Variants in GABRA3 observed in about 807,000 individuals in gnomAD.
GABRA3 encodes the protein gamma-aminobutyric acid type A receptor subunit alpha3.
Under a neutral mutation model 30.1 loss-of-function variants are expected in GABRA3, and 10 were observed. That is an observed-to-expected ratio of 0.33 (90% CI 0.20 to 0.56). The LOEUF (loss-of-function observed/expected upper bound fraction) is 0.56. Among genes scored for constraint, GABRA3 ranks in the 20% least tolerant of loss-of-function variants. GABRA3 has a pLI of 0.89. For synonymous variants in GABRA3, 151 were observed against 146.8 expected (o/e 1.03, Z -0.21); for missense variants, 233 against 392.0 (o/e 0.59, Z 3.42).
intron 5 of GABRA3, 45 bp downstream of exon 5, chrX:152,255,733 G>A (rs1569371380): frequency 1.8e-6 from 2 of 1,098,835 alleles, no homozygotes; most frequent in Non-Finnish European, 2.5e-6. Flanking sequence ...TTCAAGCCCA[G>A]TCCTACTCCC....
At chrX:152,197,127 G>T (rs1937399140) in intron 8 of GABRA3, among the ~76,000 whole-genome samples, 1 of 112,322 alleles carries the variant, frequency 8.9e-6, no homozygotes, top group East Asian at 2.8e-4. Context: ...TACTCATGAT[G>T]AAGAAAATGG....
intron 2 of GABRA3, among the ~76,000 whole-genome samples, chrX:152,362,354 T>C (rs1252256130): frequency 9.0e-6 from 1 of 111,053 alleles, no homozygotes; most frequent in Non-Finnish European, 1.9e-5. Flanking sequence ...TGATATTCCT[T>C]GGATTAGAAG....
At position 152,266,982 on chromosome X, in the gene GABRA3, C is replaced by T. The variant is rs772783595; in HGVS notation, c.331-10984G>A. ...GATCTTCATGTGTTTAAAAATATAG[C>T]CAGCAGAAAGATGCAAAAAGGAATG... On this transcript the variant is annotated intron_variant, in intron 4 of 9. Transcript: ENST00000370314. Among the ~76,000 whole-genome samples the T allele has an allele frequency of 4.5e-5, 5 of 111,496 alleles. No individual in the cohort carries two copies. The South Asian group carries it at 1.1e-3, about 25-fold the overall frequency.
intron 3 of GABRA3, among the ~76,000 whole-genome samples, chrX:152,325,541 A>G (rs1234570963): frequency 8.9e-6 from 1 of 111,759 alleles, no homozygotes; most frequent in African/African-American, 3.3e-5. Context: ...GTTCTGCAAT[A>G]TTTGCTGTTC....
intron 1 of GABRA3, among the ~76,000 whole-genome samples, chrX:152,385,831 A>G (rs2124510818): frequency 9.0e-6 from 1 of 111,263 alleles, no homozygotes; most frequent in South Asian, 3.8e-4. Flanking sequence ...TTTTCCCAGC[A>G]CCATTTATTA....
At chrX:152,314,664 GCT>G (rs1939845651) in intron 3 of GABRA3, among the ~76,000 whole-genome samples, 1 of 112,057 alleles carries the variant, frequency 8.9e-6, no homozygotes, top group Non-Finnish European at 1.9e-5. Flanking sequence ...CACCTGGAAA[GCT>G]CTGTCTGGTG....
intron 3 of GABRA3, among the ~76,000 whole-genome samples, chrX:152,321,792 C>A (rs1939967856): frequency 9.0e-6 from 1 of 111,067 alleles, no homozygotes; most frequent in African/African-American, 3.3e-5. Context: ...TTTTCAATGA[C>A]AAATATTGGG....
chrX:152,396,103 C>T (rs908656092), intron 1 of GABRA3, among the ~76,000 whole-genome samples: 1 of 111,280 alleles, frequency 9.0e-6, no homozygotes, highest in African/African-American at 3.3e-5. Context: ...TTAGGGTCAG[C>T]CCTAAATCCA....
chrX:152,193,367 G>A (rs965243316), intron 8 of GABRA3, among the ~76,000 whole-genome samples: 2 of 111,592 alleles, frequency 1.8e-5, no homozygotes, highest in African/African-American at 3.3e-5. Flanking sequence ...TCTATGGCTC[G>A]TTCCTGTTAA....
intron 1 of GABRA3, among the ~76,000 whole-genome samples, chrX:152,389,790 T>A (rs1290129410): frequency 9.0e-6 from 1 of 111,037 alleles, no homozygotes; most frequent in Non-Finnish European, 1.9e-5. Context: ...CTAAAAACCA[T>A]CATGCATCAG....
chrX:152,199,089 G>A (rs962375663), intron 7 of GABRA3, among the ~76,000 whole-genome samples: 5 of 111,314 alleles, frequency 4.5e-5, no homozygotes, highest in Admixed American at 9.6e-5. Flanking sequence ...AGGGCTGGGT[G>A]CGGTGGCTCA....
chrX:152,267,201 T>C (rs1450453791), intron 4 of GABRA3, among the ~76,000 whole-genome samples: 2 of 112,274 alleles, frequency 1.8e-5, no homozygotes, highest in Non-Finnish European at 3.8e-5. Context: ...GTCCATTTTG[T>C]TGAGGGCTTT....
At chrX:152,258,843 C>T (rs758808460) in intron 4 of GABRA3, among the ~76,000 whole-genome samples, 1 of 110,372 alleles carries the variant, frequency 9.1e-6, no homozygotes, top group South Asian at 3.8e-4. Context: ...TGTCCCTCCC[C>T]CACTCAGCAG....
intron 1 of GABRA3, among the ~76,000 whole-genome samples, chrX:152,426,499 C>A (rs957560003): frequency 9.0e-6 from 1 of 111,591 alleles, no homozygotes; most frequent in East Asian, 2.8e-4. Context: ...AAGTCTCTAA[C>A]AGTCAACACT....
intron 9 of GABRA3, among the ~76,000 whole-genome samples, chrX:152,180,217 CG>C (rs1257930627): frequency 8.9e-6 from 1 of 112,085 alleles, no homozygotes; most frequent in East Asian, 2.8e-4. Context: ...CAGTTATCTT[CG>C]GTCTTTTTGA....
At chrX:152,269,275 A>G (rs1938883836) in intron 4 of GABRA3, among the ~76,000 whole-genome samples, 1 of 112,151 alleles carries the variant, frequency 8.9e-6, no homozygotes, top group African/African-American at 3.2e-5. Flanking sequence ...CTAAAAATCA[A>G]TCTAACTCAA....
At chrX:152,169,848 T>C (rs1936981238) in intron 9 of GABRA3, among the ~76,000 whole-genome samples, 1 of 111,639 alleles carries the variant, frequency 9.0e-6, no homozygotes, top group African/African-American at 3.3e-5. Context: ...GTTTTCTTTG[T>C]GTGTTTCTCT....
At position 152,309,073 on chromosome X, in the gene GABRA3, G is replaced by A. The variant is rs1452637156; in HGVS notation, c.263-24338C>T. On this transcript the variant is annotated intron_variant, in intron 3 of 9. Coordinates refer to ENST00000370314, the MANE Select transcript of GABRA3 (RefSeq NM_000808.4). ...AAAACTGCACCTTTGAATAAACTCA[G>A]TCAGCAAAAATCTTTTTAAAAGAAT... 2.7e-5 allele frequency among the ~76,000 whole-genome samples: 3 copies of A among 111,947 alleles called. No individual in the cohort carries two copies. In the East Asian group the frequency reaches 8.4e-4, roughly 31 times the overall value.
chrX:152,285,807 T>C (rs1357392815), intron 3 of GABRA3, among the ~76,000 whole-genome samples: 1 of 109,229 alleles, frequency 9.2e-6, no homozygotes, highest in African/African-American at 3.3e-5. Flanking sequence ...AAGCTTCTTT[T>C]ATAAGAGCAC....
Sources: gnomAD v4.1 joint callset for allele counts (sites outside exome capture counted in the v4.1 genomes callset) on GRCh38, gnomAD v4.1.1 for gene constraint, MANE v1.5 for transcripts, NCBI Gene and HGNC (gene_info 2026-07-23, HGNC 2026-07-21) for gene names.